The following LCA5L variants were observed in gnomAD, a reference collection of about 807,000 sequenced individuals.
The protein encoded by LCA5L is lebercilin-like protein.
A neutral mutation model predicts 45.4 loss-of-function variants in LCA5L; 35 were observed. The ratio of observed to expected loss-of-function variants is 0.77; its 90% CI spans 0.59 to 1.02. LCA5L has a LOEUF of 1.02. LCA5L is among the 50% of genes least tolerant of loss of function. The pLI, the probability that LCA5L is intolerant of heterozygous loss-of-function variation, is 0.00. For synonymous variants in LCA5L, 233 were observed against 264.7 expected (o/e 0.88, Z 1.16); for missense variants, 668 against 761.6 (o/e 0.88, Z 1.45).
At chr21:39,442,004 T>C (rs1189090280) in intron 2 of LCA5L, among the ~76,000 whole-genome samples, 2 of 152,196 alleles carry the variant, frequency 1.3e-5, no homozygotes, top group East Asian at 1.9e-4. Context: ...GTTTCTATTT[T>C]TGTGGGCCTT....
intron 3 of LCA5L, among the ~76,000 whole-genome samples, chr21:39,433,148 G>A (rs1033224516): frequency 6.6e-6 from 1 of 152,158 alleles, no homozygotes; most frequent in Non-Finnish European, 1.5e-5. Flanking sequence ...CGGGCACGGT[G>A]GCTCATGCCT....
intron 7 of LCA5L, among the ~76,000 whole-genome samples, chr21:39,412,269 C>G (rs2040217152): frequency 6.6e-6 from 1 of 152,174 alleles, no homozygotes; most frequent in Non-Finnish European, 1.5e-5. Context: ...TTTCCACCAT[C>G]TAATAGAAAG....
intron 8 of LCA5L, chr21:39,410,793 T>C (rs1413347394): frequency 2.1e-6 from 1 of 469,674 alleles, no homozygotes; most frequent in Non-Finnish European, 4.4e-6. Context: ...GTGAAGGAAA[T>C]TATATCATTT....
rs564187356 is a variant in LCA5L at position 39,420,558 on chromosome 21, G to T, written c.975+148C>A. Reference sequence around the variant, plus strand: ...AAAAAAAAAGATAAACAGAACTGTGGATGGGGGCCCAGGCCCCCTACAAAG... The same window carrying T: ...AAAAAAAAAGATAAACAGAACTGTGTATGGGGGCCCAGGCCCCCTACAAAG... On this transcript the variant is annotated intron_variant, in intron 7 of 10. Transcript: ENST00000288350. 4.5e-5 allele frequency: 17 copies of T among 381,736 alleles called. No individual in the cohort carries two copies. In the South Asian group the frequency reaches 1.1e-3, roughly 24 times the overall value. The allele number at this position is 381,736 out of a possible 1,614,324, so 23.6% of individuals were successfully genotyped here. A position where few individuals can be genotyped will look rare whatever the true frequency, so the allele number is the denominator to read the frequency against.
At position 39,409,185 on chromosome 21, in the gene LCA5L, G is replaced by A. The variant is rs1045286077; in HGVS notation, c.1282+794C>T. Among the ~76,000 whole-genome samples, 11 of 152,060 alleles carry A rather than the reference G, an allele frequency of 7.2e-5. No individual in the cohort carries two copies. Among genetic ancestry groups the A allele is most frequent in the Non-Finnish European group, 1.3e-4 (9 of 68,010 alleles). Reference sequence around the variant, plus strand: ...GCTCTCTCCCCGACTCTCCTCGTGCGAGCACTAAGGAAACGCCACATGAAG... The same window carrying A: ...GCTCTCTCCCCGACTCTCCTCGTGCAAGCACTAAGGAAACGCCACATGAAG... On this transcript the variant is annotated intron_variant, in intron 10 of 10. Coordinates refer to ENST00000288350, the MANE Select transcript of LCA5L (RefSeq NM_152505.4). The surrounding 1 kb of genome is among the most constrained non-coding windows in gnomAD (Gnocchi z 4.2).
chr21:39,423,174 T>C lies in LCA5L; in HGVS notation c.639A>G (p.Leu213=), dbSNP rs781409076. The C allele has an allele frequency of 2.5e-6, 4 of 1,613,166 alleles. No individual in the cohort carries two copies. The East Asian group carries it at 8.9e-5, about 36-fold the overall frequency. Residue 213 remains leucine, a synonymous_variant, in exon 6 of 11, where the codon CTA becomes CTG. Coordinates refer to ENST00000288350, the MANE Select transcript of LCA5L (RefSeq NM_152505.4). The stretch of plus-strand genomic sequence containing the variant: ...TTTCCTTTTCCTGGGATTTCCTAAG[T>C]AGTTGCCTTAAATTTTTTACTTCAT... ...HQNEVKNLRQ[L]LRKSQEKERT... is the part of the protein sequence containing the mutation.
rs966903998 is a variant in LCA5L, at chr21:39,406,107, G to C, written c.1788C>G (p.Ser596Arg). The change falls in exon 11 of 11, where the codon AGC becomes AGG. Residue 596 changes from serine (S) to arginine (R), a missense_variant. Ser to Arg is a moderately radical substitution (Grantham distance 110). Transcript: ENST00000288350. The stretch of plus-strand genomic sequence containing the variant: ...ATCCAAAGAGTTCTTCCATGAGACT[G>C]CTTTTCTTATCTCTGAAAGTTGTAT... The part of the protein sequence containing the change: ...VKDTTFRDKK[S>R]SLMEELFGSG... The C allele has an allele frequency of 1.7e-5, 28 of 1,614,064 alleles. No homozygotes were observed. The African/African-American group carries it at 3.1e-4, about 18-fold the overall frequency.
intron 6 of LCA5L, 92 bp from the exon 7 acceptor site, chr21:39,420,935 G>A: frequency 2.1e-6 from 2 of 965,864 alleles, no homozygotes; most frequent in Admixed American, 2.2e-5. Flanking sequence ...TATGAAAAGT[G>A]CACATTTTCA....
At chr21:39,444,061 T>C (rs900019290) in intron 2 of LCA5L, 74 bp downstream of exon 2, 3 of 150,754 alleles carry the variant, frequency 2.0e-5, no homozygotes, top group African/African-American at 7.3e-5. Context: ...AAAAGAGAGA[T>C]TGGCTAGGGG....
intron 3 of LCA5L, among the ~76,000 whole-genome samples, chr21:39,434,706 T>C (rs2076123587): frequency 1.3e-5 from 2 of 152,000 alleles, no homozygotes; most frequent in South Asian, 2.1e-4. Context: ...TTTGAAGAGA[T>C]AGGGTCTCAC....
chr21:39,407,252 A>AAGAAC (rs548604422), intron 10 of LCA5L, among the ~76,000 whole-genome samples: 23 of 152,238 alleles, frequency 1.5e-4, no homozygotes, highest in African/African-American at 3.1e-4. Context: ...AACAGAACAG[A>AAGAAC]AGAACAGAAC....
At chr21:39,444,936 C>T (rs1303532015) in intron 1 of LCA5L, among the ~76,000 whole-genome samples, 4 of 151,920 alleles carry the variant, frequency 2.6e-5, no homozygotes, top group Non-Finnish European at 5.9e-5. Flanking sequence ...ATGTGGCAGG[C>T]AGCTAAATGC....
At position 39,423,006 on chromosome 21, in the gene LCA5L, TG is replaced by T. The variant is rs779556368; in HGVS notation, c.806del (p.Thr269LysfsTer17). On this transcript the variant is annotated frameshift_variant, in exon 6 of 11. Transcript: ENST00000288350. LOFTEE classifies it high-confidence loss of function. Reference protein sequence around the residue: ...ELTHKLSIITTKMDANDKKIQ... With the variant: ...ELTHKLSIITXKMDANDKKIQ... ...TTTTTTTGTCATTTGCGTCCATTTTTGTTGTGATAATAGATAATTTATGAGT... is the reference window on the plus strand; with the variant it reads ...TTTTTTTGTCATTTGCGTCCATTTTTTTGTGATAATAGATAATTTATGAGT... The T allele has an allele frequency of 8.7e-6, 14 of 1,613,712 alleles. No homozygotes were observed. In the South Asian group the frequency reaches 1.5e-4, roughly 18 times the overall value.
At position 39,434,837 on chromosome 21, in the gene LCA5L, T is replaced by TAATA. The variant is rs571460822; in HGVS notation, c.-92+579_-92+582dup. ...CCGGCCACTGATGTTCTTAATTAAT[T>TAATA]AATATGTTCAGTCAAAGAACATTTA... is the stretch of plus-strand genomic sequence containing the variant. On this transcript the variant is annotated intron_variant, in intron 3 of 10. Coordinates refer to ENST00000288350, the MANE Select transcript of LCA5L (RefSeq NM_152505.4). Among the ~76,000 whole-genome samples, 8 of 152,334 alleles carry TAATA rather than the reference T, an allele frequency of 5.3e-5. No individual in the cohort carries two copies. In the East Asian group the frequency reaches 1.5e-3, roughly 29 times the overall value.
intron 2 of LCA5L, among the ~76,000 whole-genome samples, 193 bp from the exon 3 acceptor site, chr21:39,435,766 GC>G (rs1239516380): frequency 6.6e-6 from 1 of 152,134 alleles, no homozygotes; most frequent in Non-Finnish European, 1.5e-5. Context: ...CTCCTGAGTA[GC>G]TGGGATTACA....
chr21:39,430,130 G>A (rs1035149863), intron 3 of LCA5L, among the ~76,000 whole-genome samples: 8 of 152,196 alleles, frequency 5.3e-5, no homozygotes, highest in Non-Finnish European at 1.0e-4. Context: ...AGCCTTGCCT[G>A]TCCTTGTCCC....
rs2074037563 is a variant in LCA5L, at chr21:39,423,079, A to G, written c.734T>C (p.Leu245Pro). The change falls in exon 6 of 11, where the codon CTG becomes CCG. Residue 245 changes from leucine (L) to proline (P), a missense_variant. Coordinates refer to ENST00000288350, the MANE Select transcript of LCA5L (RefSeq NM_152505.4). ...LLKTKDILQA[L>P]QKLSEDKNLA... Reference sequence around the variant, plus strand: ...GTTTTTGTCTTCAGAAAGTTTCTGCAGTGCCTGCAAGATATCTTTAGTCTT... The same window carrying G: ...GTTTTTGTCTTCAGAAAGTTTCTGCGGTGCCTGCAAGATATCTTTAGTCTT... 7 of 1,614,174 alleles carry G rather than the reference A, an allele frequency of 4.3e-6. No individual in the cohort carries two copies. The highest frequency in any genetic ancestry group is 5.9e-6 in the Non-Finnish European group (7 of 1,180,000).
At position 39,409,348 on chromosome 21, in the gene LCA5L, G is replaced by T. The variant is rs2147142244; in HGVS notation, c.1282+631C>A. On this transcript the variant is annotated intron_variant, in intron 10 of 10. Coordinates refer to ENST00000288350, the MANE Select transcript of LCA5L (RefSeq NM_152505.4). This position sits in a 1 kb window ranked among gnomAD's most constrained non-coding sequence, Gnocchi z 4.2. ...AGTGTTGTTTAAACCGGCAGTCTGT[G>T]GTATTTTCTTATGGCAGCCCAAGCA... Among the ~76,000 whole-genome samples, 1 of 152,154 alleles carries T rather than the reference G, an allele frequency of 6.6e-6. No individual in the cohort carries two copies. The highest frequency in any genetic ancestry group is 1.9e-4 in the East Asian group (1 of 5,152).
intron 10 of LCA5L, among the ~76,000 whole-genome samples, chr21:39,407,039 C>A (rs950453130): frequency 6.6e-6 from 1 of 152,064 alleles, no homozygotes; most frequent in Non-Finnish European, 1.5e-5. Flanking sequence ...CCAGCCTGGG[C>A]AACATAGCGA....
Sources: gnomAD v4.1 joint callset for allele counts (sites outside exome capture counted in the v4.1 genomes callset) on GRCh38, gnomAD v4.1.1 for gene constraint, Gnocchi (gnomAD v3.1) non-coding constraint, MANE v1.5 for transcripts, NCBI Gene and HGNC (gene_info 2026-07-23, HGNC 2026-07-21) for gene names.